PTPRD: variants seen among roughly 807,000 people sequenced by gnomAD.
PTPRD encodes the protein protein tyrosine phosphatase receptor type D, also known as receptor-type tyrosine-protein phosphatase delta.
PTPRD carries 34 observed loss-of-function variants against 214.5 expected under a neutral mutation model. The ratio of observed to expected loss-of-function variants is 0.16; its 90% CI spans 0.12 to 0.21. The LOEUF (loss-of-function observed/expected upper bound fraction) is 0.21. PTPRD is among the 10% of genes least tolerant of loss of function. PTPRD has a pLI of 1.00. For synonymous variants in PTPRD, 1,128 were observed against 845.7 expected (o/e 1.33, Z -5.79); for missense variants, 2,545 against 2,398.7 (o/e 1.06, Z -1.27).
chr9:9,680,777 A>G (rs1356731426), intron 7 of PTPRD, among the ~76,000 whole-genome samples: 4 of 121,442 alleles, frequency 3.3e-5, no homozygotes, highest in Admixed American at 1.6e-4. Context: ...AGGAGAAAAG[A>G]AAAAAAAAAT....
At chr9:8,789,816 G>T (rs561821013) in intron 11 of PTPRD, among the ~76,000 whole-genome samples, 1 of 152,272 alleles carries the variant, frequency 6.6e-6, no homozygotes, top group Admixed American at 6.5e-5. Flanking sequence ...CAGGTGGATT[G>T]AAGACTTAAA....
At chr9:8,480,519 C>A (rs13294270) in intron 30 of PTPRD, among the ~76,000 whole-genome samples, 9,885 of 152,202 alleles carry the variant, frequency 0.065, 414 homozygotes, top group South Asian at 0.13. Context: ...CACACTGTCG[C>A]TACTGAATCC....
intron 9 of PTPRD, among the ~76,000 whole-genome samples, chr9:9,199,578 T>C (rs1380514741): frequency 6.6e-6 from 1 of 152,102 alleles, no homozygotes; most frequent in African/African-American, 2.4e-5. Context: ...GAAACCAAGA[T>C]CAATTTAAAC....
intron 9 of PTPRD, among the ~76,000 whole-genome samples, chr9:9,324,495 G>A (rs7467388): frequency 0.74 from 111,748 of 151,278 alleles, 41,517 homozygotes; most frequent in East Asian, 0.93. Flanking sequence ...CTTCTTTTGA[G>A]AAGTGTCTGT....
intron 7 of PTPRD, among the ~76,000 whole-genome samples, chr9:9,711,893 C>T (rs79577548): frequency 0.067 from 10,131 of 152,222 alleles, 386 homozygotes; most frequent in Middle Eastern, 0.15. Flanking sequence ...CCTAGCTAAA[C>T]CACTACATCT....
chr9:9,495,836 G>A (rs758778493), intron 8 of PTPRD, among the ~76,000 whole-genome samples: 2 of 152,124 alleles, frequency 1.3e-5, no homozygotes, highest in African/African-American at 4.8e-5. Context: ...GCCACCCCAC[G>A]TGATGAGGCA....
intron 11 of PTPRD, among the ~76,000 whole-genome samples, chr9:8,736,465 G>T (rs1180956186): frequency 6.6e-6 from 1 of 152,012 alleles, no homozygotes; most frequent in Non-Finnish European, 1.5e-5. Flanking sequence ...CAAAATTTTT[G>T]ACAGGAAATA....
chr9:10,596,693 A>G (rs1417195911), intron 2 of PTPRD, among the ~76,000 whole-genome samples: 1 of 151,680 alleles, frequency 6.6e-6, no homozygotes, highest in East Asian at 1.9e-4. Flanking sequence ...GTGAAAAATT[A>G]GAACCTAGTA....
At chr9:10,407,887 T>A (rs200987597) in intron 2 of PTPRD, among the ~76,000 whole-genome samples, 1 of 151,632 alleles carries the variant, frequency 6.6e-6, no homozygotes, top group East Asian at 2.0e-4. Flanking sequence ...AAATTTGTTT[T>A]GGATATAAAT....
In PTPRD at chr9:9,898,376, T is replaced by C. The variant is rs576821195; in HGVS notation, c.-368+40131A>G. On this transcript the variant is annotated intron_variant, in intron 5 of 45. Transcript: ENST00000381196. Reference sequence around the variant, plus strand: ...GTTTACATACATGGTAATGATGCCTTGATATTACTTGATTATCAATAAAAG... The same window carrying C: ...GTTTACATACATGGTAATGATGCCTCGATATTACTTGATTATCAATAAAAG... Among the ~76,000 whole-genome samples the C allele has an allele frequency of 1.6e-4, 24 of 152,176 alleles. No homozygotes were observed. In the South Asian group the frequency reaches 5.0e-3, roughly 32 times the overall value.
chr9:8,343,359 C>G (rs1243485513), intron 39 of PTPRD, among the ~76,000 whole-genome samples: 1 of 151,904 alleles, frequency 6.6e-6, no homozygotes, highest in South Asian at 2.1e-4. Flanking sequence ...AAGTATAAAC[C>G]CACAAATTGA....
intron 43 of PTPRD, among the ~76,000 whole-genome samples, chr9:8,334,338 C>A (rs916446819): frequency 1.3e-5 from 2 of 149,792 alleles, no homozygotes; most frequent in Admixed American, 1.4e-4. Flanking sequence ...CAAACGGTCT[C>A]TCAGACCACA....
intron 7 of PTPRD, among the ~76,000 whole-genome samples, chr9:9,696,229 T>C (rs2097371366): frequency 6.6e-6 from 1 of 152,176 alleles, no homozygotes; most frequent in South Asian, 2.1e-4. Flanking sequence ...AACTATAGTC[T>C]ATTCTTGAGA....
At chr9:9,154,243 G>C (rs947353321) in intron 10 of PTPRD, among the ~76,000 whole-genome samples, 1 of 152,162 alleles carries the variant, frequency 6.6e-6, no homozygotes, top group African/African-American at 2.4e-5. Flanking sequence ...ATAGTAATAA[G>C]CTGAGATTCT....
At chr9:8,940,280 C>CCTTTGTTTTTTT (rs763715400) in intron 11 of PTPRD, among the ~76,000 whole-genome samples, 22 of 89,048 alleles carry the variant, frequency 2.5e-4, no homozygotes, top group South Asian at 4.4e-4. Context: ...TCTCTCTCTC[C>CCTTTGTTTTTTT]TTTTTTTTTT....
At chr9:8,688,376 C>T (rs973275390) in intron 12 of PTPRD, among the ~76,000 whole-genome samples, 1 of 151,954 alleles carries the variant, frequency 6.6e-6, no homozygotes, top group African/African-American at 2.4e-5. Flanking sequence ...ACTATCCTAG[C>T]TAACATGGTG....
At position 9,072,280 on chromosome 9, in the gene PTPRD, TACACACACACACACACACACACACAC is replaced by T. The variant is rs201508445; in HGVS notation, c.-142-53571_-142-53546del. Among the ~76,000 whole-genome samples, 3 of 135,720 alleles carry T rather than the reference TACACACACACACACACACACACACAC, an allele frequency of 2.2e-5. No individual in the cohort carries two copies. The South Asian group carries it at 7.7e-4, about 35-fold the overall frequency. The allele number at this position is 135,720 out of a possible 152,430, so 89.0% of individuals were successfully genotyped here. ...TCTCACGAACAAAGAGCTGGCAACT[TACACACACACACACACACACACACAC>T]ACACACACACACACACTCCTTAATA... is the stretch of plus-strand genomic sequence containing the variant. On this transcript the variant is annotated intron_variant, in intron 10 of 45. Coordinates refer to ENST00000381196, the MANE Select transcript of PTPRD (RefSeq NM_002839.4).
intron 44 of PTPRD, 56 bp from the exon 45 acceptor site, chr9:8,320,022 A>G (rs1825774088): frequency 3.1e-6 from 5 of 1,587,618 alleles, no homozygotes; most frequent in Non-Finnish European, 4.3e-6. Context: ...TCTTGGCCAC[A>G]TTTGCTTGGG....
chr9:10,359,756 C>T (rs1300629955), intron 2 of PTPRD, among the ~76,000 whole-genome samples: 1 of 152,048 alleles, frequency 6.6e-6, no homozygotes, highest in Non-Finnish European at 1.5e-5. Flanking sequence ...ATAAATTATT[C>T]TGCTTAACAA....
Sources: allele counts gnomAD v4.1 joint callset (sites outside exome capture counted in the v4.1 genomes callset), GRCh38; gene constraint gnomAD v4.1.1; transcripts MANE v1.5; gene names NCBI Gene and HGNC (gene_info 2026-07-23, HGNC 2026-07-21).